ADCY2: variants seen among roughly 807,000 people sequenced by gnomAD.
ADCY2 encodes adenylate cyclase type 2.
ADCY2 carries 31 observed loss-of-function variants against 125.2 expected under a neutral mutation model. That is an observed-to-expected ratio of 0.25 (90% confidence interval 0.19 to 0.33). ADCY2 has a LOEUF of 0.33. Ranked by LOEUF, ADCY2 falls within the 10% of genes least tolerant of loss-of-function variation. The probability of loss-of-function intolerance (pLI) is 1.00; values close to 1 mark genes in which losing one functional copy is unlikely to be tolerated. For synonymous variants in ADCY2, 512 were observed against 548.4 expected, an observed-to-expected ratio of 0.93 and a Z score of 0.93; for missense variants, 904 against 1,418.2, an observed-to-expected ratio of 0.64 and a Z score of 5.82.
Position 7,504,359 on chromosome 5 carries a change from C to CT in ADCY2, c.409-16378dup, listed in dbSNP as rs897974052. The stretch of plus-strand genomic sequence containing the variant: ...ACAATATTCCTTTTGATAAAACCAA[C>CT]TGAGTCTATTTCAACATCTGCCTTT... On this transcript the variant is annotated intron_variant, in intron 2 of 24. Transcript: ENST00000338316. Among the ~76,000 whole-genome samples, 54 of 152,206 alleles carry CT rather than the reference C, an allele frequency of 3.5e-4. 3 individuals are homozygous for CT. Among genetic ancestry groups the CT allele is most frequent in the Non-Finnish European group, 1.6e-4 (11 of 68,040 alleles).
intron 4 of ADCY2, among the ~76,000 whole-genome samples, chr5:7,628,941 G>A (rs1334856195): frequency 6.6e-6 from 1 of 152,136 alleles, no homozygotes; most frequent in Non-Finnish European, 1.5e-5. Flanking sequence ...GAAACACTGA[G>A]GCCCAGTAGG....
intron 4 of ADCY2, among the ~76,000 whole-genome samples, chr5:7,637,741 G>A (rs1738560471): frequency 6.6e-6 from 1 of 152,152 alleles, no homozygotes; most frequent in African/African-American, 2.4e-5. Flanking sequence ...GTATATTAAA[G>A]TAAAAATATA....
intron 2 of ADCY2, among the ~76,000 whole-genome samples, chr5:7,495,304 C>G (rs140042013): frequency 6.6e-6 from 1 of 152,172 alleles, no homozygotes; most frequent in East Asian, 1.9e-4. Flanking sequence ...TGCCAGGAAA[C>G]GCCTGTATCT....
At chr5:7,651,169 A>C (rs2126682162) in intron 4 of ADCY2, among the ~76,000 whole-genome samples, 1 of 152,340 alleles carries the variant, frequency 6.6e-6, no homozygotes. Flanking sequence ...GAGGCACCAA[A>C]GATAGAGGAA....
intron 22 of ADCY2, among the ~76,000 whole-genome samples, chr5:7,815,453 C>G (rs543595210): frequency 6.6e-6 from 1 of 152,176 alleles, no homozygotes; most frequent in African/African-American, 2.4e-5. Flanking sequence ...GAACAGAAAC[C>G]GTGCTCCACC....
intron 2 of ADCY2, among the ~76,000 whole-genome samples, chr5:7,477,832 CTTAACATCTAGTGAT>C (rs1742578995): frequency 6.6e-6 from 1 of 152,168 alleles, no homozygotes; most frequent in Non-Finnish European, 1.5e-5. Context: ...CTGCTCTACT[CTTAACATCTAGTGAT>C]TTAAATAAAG....
At chr5:7,535,652 G>T (rs1251764240) in intron 3 of ADCY2, among the ~76,000 whole-genome samples, 3 of 152,134 alleles carry the variant, frequency 2.0e-5, no homozygotes, top group Non-Finnish European at 4.4e-5. Context: ...TCCATACATG[G>T]ATTTACATCT....
chr5:7,775,440 G>C (rs551611047), intron 18 of ADCY2, among the ~76,000 whole-genome samples: 1 of 151,870 alleles, frequency 6.6e-6, no homozygotes, highest in African/African-American at 2.4e-5. Context: ...GCCCAGGCTG[G>C]AGTACAGTGG....
intron 1 of ADCY2, among the ~76,000 whole-genome samples, chr5:7,413,360 T>C (rs1739799608): frequency 6.6e-6 from 1 of 152,064 alleles, no homozygotes; most frequent in Non-Finnish European, 1.5e-5. Context: ...AGTGGCGCGC[T>C]CACGGCTCAC....
chr5:7,419,422 A>T (rs569166061), intron 2 of ADCY2, among the ~76,000 whole-genome samples: 69 of 152,260 alleles, frequency 4.5e-4, no homozygotes, highest in African/African-American at 1.6e-3. Flanking sequence ...CTGCTCTCCT[A>T]CAACCACATG....
chr5:7,695,728 T>A, intron 5 of ADCY2, 24 bp from the exon 6 acceptor site: 1 of 1,468,044 alleles, frequency 6.8e-7, no homozygotes, highest in Non-Finnish European at 9.4e-7. Flanking sequence ...AAACTCTGTC[T>A]CCTCACCTCC....
At chr5:7,668,063 A>G (rs1739817427) in intron 4 of ADCY2, among the ~76,000 whole-genome samples, 2 of 152,174 alleles carry the variant, frequency 1.3e-5, no homozygotes. Context: ...GAGAGGAAAT[A>G]TTTTTTCTAC....
intron 3 of ADCY2, among the ~76,000 whole-genome samples, chr5:7,589,465 A>AGAAG: frequency 2.0e-5 from 1 of 51,252 alleles, no homozygotes; most frequent in Admixed American, 2.9e-4. Flanking sequence ...AGAAAAAGAA[A>AGAAG]GAAAGAAAGA....
intron 3 of ADCY2, among the ~76,000 whole-genome samples, chr5:7,567,795 T>C (rs542862912): frequency 1.3e-5 from 2 of 152,320 alleles, no homozygotes; most frequent in South Asian, 4.1e-4. Context: ...CATTTTCTTA[T>C]TTGGTCAGCA....
At chr5:7,627,930 C>T (rs1164204246) in intron 4 of ADCY2, among the ~76,000 whole-genome samples, 9 of 152,206 alleles carry the variant, frequency 5.9e-5, no homozygotes, top group African/African-American at 1.9e-4. Context: ...TGTCTTACCA[C>T]CTATATAGCA....
rs141847148 is a variant in ADCY2 at position 7,706,515 on chromosome 5, A to G, written c.1110-229A>G. Among the ~76,000 whole-genome samples, 8 of 152,348 alleles carry G rather than the reference A, an allele frequency of 5.3e-5. No homozygotes were observed. The East Asian group carries it at 5.8e-4, about 11-fold the overall frequency. On this transcript the variant is annotated intron_variant, in intron 7 of 24. Transcript: ENST00000338316. ...ATAGCCAAAACGTTTTGTCATCACT[A>G]TAGTCTGGCCTGATCTAGCTTTAAT...
intron 3 of ADCY2, among the ~76,000 whole-genome samples, chr5:7,567,937 CT>C (rs1735957177): frequency 6.7e-6 from 1 of 149,994 alleles, no homozygotes; most frequent in Non-Finnish European, 1.5e-5. Flanking sequence ...CTTTCTCTCT[CT>C]CTCTCTCTCT....
intron 12 of ADCY2, among the ~76,000 whole-genome samples, chr5:7,724,027 C>T (rs904222290): frequency 1.7e-4 from 24 of 139,692 alleles, no homozygotes; most frequent in Non-Finnish European, 7.6e-5. Flanking sequence ...TTCACTAAGT[C>T]TGAAAGAAGC....
intron 24 of ADCY2, among the ~76,000 whole-genome samples, chr5:7,826,146 C>T (rs1016885168): frequency 1.3e-5 from 2 of 152,148 alleles, no homozygotes; most frequent in African/African-American, 4.8e-5. Context: ...TAGGTTACTT[C>T]ACTCAAAGGC....
Sources: allele counts gnomAD v4.1 joint callset (sites outside exome capture counted in the v4.1 genomes callset), GRCh38; gene constraint gnomAD v4.1.1; transcripts MANE v1.5; gene names NCBI Gene and HGNC (gene_info 2026-07-23, HGNC 2026-07-21).